The following REEP1 variants were observed in gnomAD, a reference collection of about 807,000 sequenced individuals.
REEP1 encodes receptor accessory protein 1.
REEP1 carries 22 observed loss-of-function variants against 40.3 expected under a neutral mutation model. The ratio of observed to expected loss-of-function variants is 0.55; its 90% confidence interval spans 0.39 to 0.78. REEP1 has a LOEUF of 0.78. Ranked by LOEUF, REEP1 falls within the 30% of genes least tolerant of loss-of-function variation. The pLI, the probability that REEP1 is intolerant of heterozygous loss-of-function variation, is 0.00. For missense variants in REEP1, 280 were observed against 361.1 expected, an observed-to-expected ratio of 0.78 and a Z score of 1.82; for synonymous variants, 116 against 139.2, an observed-to-expected ratio of 0.83 and a Z score of 1.17.
chr2:86,227,836 G>A (rs537784977), intron 6 of REEP1, among the ~76,000 whole-genome samples: 10 of 143,310 alleles, frequency 7.0e-5, no homozygotes, highest in South Asian at 4.9e-4. Context: ...CCTTGTACAC[G>A]CCATTGGTCT....
intron 1 of REEP1, among the ~76,000 whole-genome samples, chr2:86,326,484 G>A (rs985208322): frequency 1.6e-4 from 25 of 152,080 alleles, no homozygotes; most frequent in Admixed American, 1.4e-3. Flanking sequence ...GTGCCAAGGC[G>A]GGCAGATCAC....
chr2:86,334,316 A>G (rs1680908928), intron 1 of REEP1, among the ~76,000 whole-genome samples: 1 of 152,216 alleles, frequency 6.6e-6, no homozygotes, highest in Admixed American at 6.5e-5. Context: ...CTCACAACAC[A>G]GTGATAGGTC....
chr2:86,264,236 C>T (rs1677026043), intron 2 of REEP1, among the ~76,000 whole-genome samples, 195 bp from the exon 3 acceptor site: 1 of 152,200 alleles, frequency 6.6e-6, no homozygotes, highest in South Asian at 2.1e-4. Flanking sequence ...AGCAAATGGG[C>T]TGTTCCACAA....
chr2:86,287,874 A>C (rs1361148094), intron 1 of REEP1, among the ~76,000 whole-genome samples: 2 of 152,206 alleles, frequency 1.3e-5, no homozygotes, highest in African/African-American at 4.8e-5. Flanking sequence ...ACAGAAAAAA[A>C]GTGTTTATAC....
intron 1 of REEP1, among the ~76,000 whole-genome samples, chr2:86,316,564 A>AC (rs925674832): frequency 6.7e-6 from 1 of 149,608 alleles, no homozygotes; most frequent in African/African-American, 2.5e-5. Context: ...AAAAAAAAAA[A>AC]AAAAATCAAA....
chr2:86,333,938 C>T (rs1194592863), intron 1 of REEP1, among the ~76,000 whole-genome samples: 4 of 152,186 alleles, frequency 2.6e-5, no homozygotes, highest in African/African-American at 9.7e-5. Context: ...GCATCTCAAA[C>T]TGGTCCTCAC....
intron 6 of REEP1, among the ~76,000 whole-genome samples, chr2:86,230,308 G>C (rs775465381): frequency 6.6e-6 from 1 of 152,238 alleles, no homozygotes; most frequent in Non-Finnish European, 1.5e-5. Flanking sequence ...TCCCAGTTCT[G>C]AGGCTGCCCT....
Position 86,315,078 on chromosome 2 carries a change from C to A in REEP1, c.32+22401G>T, listed in dbSNP as rs574087015. Among the ~76,000 whole-genome samples, 19 of 152,164 alleles carry A rather than the reference C, an allele frequency of 1.2e-4. No homozygotes were observed. The South Asian group carries it at 2.9e-3, about 23-fold the overall frequency. On this transcript the variant is annotated intron_variant, in intron 1 of 8. Coordinates refer to ENST00000538924, the MANE Select transcript of REEP1 (RefSeq NM_001371279.1). ...TTCACCATAAACATCAAAGACCCTG[C>A]AGGGCCCTTGAGACCCTGGAGGGTC...
At chr2:86,324,570 G>A (rs1251655345) in intron 1 of REEP1, among the ~76,000 whole-genome samples, 1 of 152,154 alleles carries the variant, frequency 6.6e-6, no homozygotes, top group Admixed American at 6.5e-5. Context: ...AGTTTATGAA[G>A]AACAAATGGT....
rs1304611333 is a variant in REEP1, at chr2:86,316,529, C to A, written c.32+20950G>T. Among the ~76,000 whole-genome samples the A allele has an allele frequency of 1.7e-4, 14 of 83,734 alleles. No homozygotes were observed. The Admixed American group carries it at 2.4e-3, about 14-fold the overall frequency. 54.9% of individuals were successfully genotyped at this position (83,734 alleles called of 152,430 possible). A position where few individuals can be genotyped will look rare whatever the true frequency, so the allele number is the denominator to read the frequency against. The stretch of plus-strand genomic sequence containing the variant: ...TGCCATTGCACTCCAGCCCAGGCAA[C>A]AAGAACGAAACTCTGTCTCAAAAAA... On this transcript the variant is annotated intron_variant, in intron 1 of 8. Coordinates refer to ENST00000538924, the MANE Select transcript of REEP1 (RefSeq NM_001371279.1).
intron 1 of REEP1, among the ~76,000 whole-genome samples, chr2:86,285,018 T>A (rs959303414): frequency 6.6e-6 from 1 of 152,364 alleles, no homozygotes; most frequent in Admixed American, 6.5e-5. Flanking sequence ...TAAGGAATAA[T>A]GAAGGAAGCA....
In REEP1 at chr2:86,246,943, T is replaced by A. The variant is rs549102739; in HGVS notation, c.417+5014A>T. Among the ~76,000 whole-genome samples the A allele has an allele frequency of 2.6e-5, 4 of 152,286 alleles. No individual in the cohort carries two copies. In the East Asian group the frequency reaches 5.8e-4, roughly 22 times the overall value. ...TTCAAACACCCAACCTCAGGTGATC[T>A]GCCCGTCTTGGCCTCCCAAAGTGCT... On this transcript the variant is annotated intron_variant, in intron 5 of 8. Coordinates refer to ENST00000538924, the MANE Select transcript of REEP1 (RefSeq NM_001371279.1).
chr2:86,234,871 A>G (rs1273103700), intron 5 of REEP1, among the ~76,000 whole-genome samples: 1 of 152,240 alleles, frequency 6.6e-6, no homozygotes, highest in African/African-American at 2.4e-5. Context: ...CTTCAAATAT[A>G]GCAGCCAATG....
Position 86,232,679 on chromosome 2 carries a change from TGCCG to T in REEP1, c.537_540del (p.Ser179ArgfsTer37). ...CTGGACATCTTAGGCTGGCCGTGTT[TGCCG>T]CTGGCCCGCCCAGACCCCGGTGGTG... On this transcript the variant is annotated frameshift_variant, in exon 6 of 9. Coordinates refer to ENST00000538924, the MANE Select transcript of REEP1 (RefSeq NM_001371279.1). LOFTEE classifies it high-confidence loss of function. 6.2e-7 allele frequency: 1 copy of T among 1,612,450 alleles called. No homozygotes were observed. The highest frequency in any genetic ancestry group is 8.5e-7 in the Non-Finnish European group (1 of 1,179,986).
At position 86,315,478 on chromosome 2, in the gene REEP1, T is replaced by C. The variant is rs114279983; in HGVS notation, c.32+22001A>G. Among the ~76,000 whole-genome samples the C allele has an allele frequency of 8.5e-3, 1,290 of 152,318 alleles. 32 individuals carry two copies. The highest frequency in any genetic ancestry group is 0.029 in the African/African-American group (1,196 of 41,574). Reference sequence around the variant, plus strand: ...TTAATTAAATTATTAGAGCCTTACATGAGAAATGCTGTGAGGCAAAACTCC... The same window carrying C: ...TTAATTAAATTATTAGAGCCTTACACGAGAAATGCTGTGAGGCAAAACTCC... On this transcript the variant is annotated intron_variant, in intron 1 of 8. Transcript: ENST00000538924.
intron 1 of REEP1, among the ~76,000 whole-genome samples, chr2:86,295,977 C>T (rs1016274638): frequency 6.6e-6 from 1 of 152,158 alleles, no homozygotes; most frequent in Non-Finnish European, 1.5e-5. Context: ...GAAAAAAATT[C>T]CAAGACAATA....
intron 1 of REEP1, among the ~76,000 whole-genome samples, chr2:86,331,904 G>A (rs919080648): frequency 1.3e-5 from 2 of 152,130 alleles, no homozygotes; most frequent in African/African-American, 4.8e-5. Context: ...TCAGCTTCTT[G>A]CTCCTCAAGA....
chr2:86,220,079 TCCCATGCC>T lies in REEP1; in HGVS notation c.666_673del (p.Trp224ProfsTer11). The T allele has an allele frequency of 8.1e-7, 1 of 1,231,890 alleles. No individual in the cohort carries two copies. Among genetic ancestry groups the T allele is most frequent in the Non-Finnish European group, 1.0e-6 (1 of 987,930 alleles). The allele number at this position is 1,231,890 out of a possible 1,614,324, so 76.3% of individuals were successfully genotyped here. On this transcript the variant is annotated frameshift_variant, in exon 8 of 9. Coordinates refer to ENST00000538924, the MANE Select transcript of REEP1 (RefSeq NM_001371279.1). LOFTEE classifies it high-confidence loss of function. Reference sequence around the variant, plus strand: ...CAATGGGTTTTGGACCTGGTGGGGCTCCCATGCCTTCATACCACCCTCATTCACATCTC... The same window carrying T: ...CAATGGGTTTTGGACCTGGTGGGGCTTTCATACCACCCTCATTCACATCTC...
chr2:86,250,900 A>G (rs1394135868), intron 5 of REEP1, among the ~76,000 whole-genome samples: 2 of 152,176 alleles, frequency 1.3e-5, no homozygotes, highest in Non-Finnish European at 2.9e-5. Context: ...ACTGGCTCTC[A>G]GCACCCTCCA....
Sources: gnomAD v4.1 joint callset for allele counts (sites outside exome capture counted in the v4.1 genomes callset) on GRCh38, gnomAD v4.1.1 for gene constraint, MANE v1.5 for transcripts, NCBI Gene and HGNC (gene_info 2026-07-23, HGNC 2026-07-21) for gene names.